Variants in NKD2 observed in about 807,000 individuals in gnomAD.
NKD2 encodes the protein NKD inhibitor of Wnt signaling pathway 2, also known as protein naked cuticle homolog 2.
In NKD2, 43 loss-of-function variants were observed where a neutral mutation model predicts 34.8. The observed-to-expected ratio is 1.24, with a 90% CI of 0.97 to 1.60. The LOEUF is 1.60. Among genes scored for constraint, NKD2 ranks in the 40% most tolerant of loss-of-function variants. NKD2 has a pLI of 0.00. For missense variants in NKD2, 675 were observed against 627.1 expected, an observed-to-expected ratio of 1.08 and a Z score of -0.82; for synonymous variants, 278 against 265.1, an observed-to-expected ratio of 1.05 and a Z score of -0.47.
At chr5:1,018,803 G>A (rs1369001055) in intron 3 of NKD2, among the ~76,000 whole-genome samples, 1 of 152,154 alleles carries the variant, frequency 6.6e-6, no homozygotes, top group Admixed American at 6.5e-5. Context: ...ACCTAGCTGT[G>A]CCCAGGGGAA....
At chr5:1,031,072 C>T (rs548272328) in intron 3 of NKD2, among the ~76,000 whole-genome samples, 5 of 152,134 alleles carry the variant, frequency 3.3e-5, no homozygotes, top group Non-Finnish European at 7.4e-5. Context: ...CCAGTGACCA[C>T]GGTGGCAGGA....
chr5:1,036,517 A>ACCCCC (rs1733952595), intron 9 of NKD2, 133 bp downstream of exon 9: 2 of 312,490 alleles, frequency 6.4e-6, no homozygotes, highest in South Asian at 8.8e-5. Context: ...CCCCCACCCC[A>ACCCCC]CCCCACCCAG....
At chr5:1,028,236 G>C (rs959553292) in intron 3 of NKD2, among the ~76,000 whole-genome samples, 1 of 152,100 alleles carries the variant, frequency 6.6e-6, no homozygotes, top group Admixed American at 6.5e-5. Context: ...CGGTGGCCTC[G>C]GGGTGGTTGG....
At chr5:1,033,610 C>A (rs1397849555) in intron 5 of NKD2, 111 bp downstream of exon 5, 18 of 1,274,712 alleles carry the variant, frequency 1.4e-5, no homozygotes, top group Middle Eastern at 2.4e-4. Flanking sequence ...GTAGTTCACT[C>A]AGTCTTCCCC....
Position 1,036,344 on chromosome 5 carries a change from C to T in NKD2, c.747C>T (p.Asp249=), listed in dbSNP as rs1328166674. 6.2e-7 allele frequency: 1 copy of T among 1,612,994 alleles called. No individual in the cohort carries two copies. The highest frequency in any genetic ancestry group is 1.3e-5 in the African/African-American group (1 of 75,010). ...CGGAGCGCAGAAACCACTACCTGGA[C>T]CTCGCCGGGATTGAGAACTACACGT... ...ENTERRNHYL[D]LAGIENYTSR... The change falls in exon 9 of 10, where the codon GAC becomes GAT. Residue 249 remains aspartate (D), a synonymous_variant. Coordinates refer to ENST00000296849, the MANE Select transcript of NKD2 (RefSeq NM_033120.4).
chr5:1,017,136 G>C (rs781146428), intron 3 of NKD2, among the ~76,000 whole-genome samples: 7 of 152,196 alleles, frequency 4.6e-5, no homozygotes, highest in Non-Finnish European at 8.8e-5. Flanking sequence ...GACGTGCCTG[G>C]ACATGGTGCA....
At chr5:1,016,037 G>A (rs974481250) in intron 3 of NKD2, among the ~76,000 whole-genome samples, 1 of 152,238 alleles carries the variant, frequency 6.6e-6, no homozygotes, top group Non-Finnish European at 1.5e-5. Flanking sequence ...CTGGGTTAAC[G>A]CCGGAACCAT....
Position 1,022,028 on chromosome 5 carries a change from A to C in NKD2, c.142-10124A>C, listed in dbSNP as rs550991059. Among the ~76,000 whole-genome samples the C allele has an allele frequency of 5.9e-4, 89 of 151,822 alleles. 1 individual carries two copies. The South Asian group carries it at 6.0e-3, about 10-fold the overall frequency. On this transcript the variant is annotated intron_variant, in intron 3 of 9. Coordinates refer to ENST00000296849, the MANE Select transcript of NKD2 (RefSeq NM_033120.4). ...GCCTCATTTTCCACCTTGTCTCATA[A>C]GGTGCCCTCCCACCCTCCCCCTACC...
At chr5:1,013,004 C>T (rs1361375333) in intron 3 of NKD2, among the ~76,000 whole-genome samples, 9 of 152,212 alleles carry the variant, frequency 5.9e-5, no homozygotes, top group Non-Finnish European at 1.2e-4. Context: ...AGGAGAGACT[C>T]GGGCCAGTGC....
At chr5:1,025,925 A>G (rs550362068) in intron 3 of NKD2, among the ~76,000 whole-genome samples, 251 of 19,958 alleles carry the variant, frequency 0.013, 3 homozygotes, top group East Asian at 0.038. Flanking sequence ...GTCCCAGCCC[A>G]TTGTCCCTGC....
chr5:1,027,454 C>T (rs1257509907), intron 3 of NKD2, among the ~76,000 whole-genome samples: 1 of 152,192 alleles, frequency 6.6e-6, no homozygotes, highest in African/African-American at 2.4e-5. Flanking sequence ...ACACGCCCAC[C>T]CAGTTCTCTG....
chr5:1,009,159 C>T lies in NKD2; in HGVS notation c.26-20C>T, dbSNP rs1755645439. 5 of 559,050 alleles carry T rather than the reference C, an allele frequency of 8.9e-6. No individual in the cohort carries two copies. The highest frequency in any genetic ancestry group is 7.0e-5 in the East Asian group (2 of 28,436). 34.6% of individuals were successfully genotyped at this position (559,050 alleles called of 1,614,324 possible). A position where few individuals can be genotyped will look rare whatever the true frequency, so the allele number is the denominator to read the frequency against. ...CCTCTCACTGTCGTTTTCCTCTCCC[C>T]GCGTCCCGCCGTGCCGCAGCCGCCG... On this transcript the variant is annotated intron_variant, in intron 1 of 9. Coordinates refer to ENST00000296849, the MANE Select transcript of NKD2 (RefSeq NM_033120.4). This position sits in a 1 kb window ranked among gnomAD's most constrained non-coding sequence, Gnocchi z 6.9.
At chr5:1,020,409 A>T (rs1756127327) in intron 3 of NKD2, among the ~76,000 whole-genome samples, 1 of 152,060 alleles carries the variant, frequency 6.6e-6, no homozygotes. Context: ...TCATTTCAAG[A>T]CACCTGCTCT....
At chr5:1,036,136 A>G (rs1733905194) in intron 8 of NKD2, 121 bp from the exon 9 acceptor site, 6 of 1,368,412 alleles carry the variant, frequency 4.4e-6, no homozygotes, top group Non-Finnish European at 5.7e-6. Flanking sequence ...CTGCTCTGCG[A>G]GGAGGTGGGT....
rs201545218 is a variant in NKD2 at position 1,034,243 on chromosome 5, G to A, written c.339G>A (p.Gln113=). The A allele has an allele frequency of 2.4e-5, 39 of 1,611,722 alleles. No individual in the cohort carries two copies. The African/African-American group carries it at 3.9e-4, about 16-fold the overall frequency. ...GGQRLNIDAL[Q]CDVSVEEDDR... is the part of the protein sequence containing the mutation. ...CCCACGTCCCCCCACAGGCACTCCA[G>A]TGCGATGTCTCGGTGGAGGAGGACG... Residue 113 remains glutamine (Q), a synonymous_variant, in exon 6 of 10, where the codon CAG becomes CAA. Coordinates refer to ENST00000296849, the MANE Select transcript of NKD2 (RefSeq NM_033120.4).
chr5:1,032,189 G>A lies in NKD2; in HGVS notation c.179G>A (p.Arg60Gln), dbSNP rs200085376. 7.9e-5 allele frequency: 127 copies of A among 1,609,798 alleles called. No individual in the cohort carries two copies. The highest frequency in any genetic ancestry group is 2.4e-4 in the South Asian group (22 of 90,786). The change falls in exon 4 of 10, where the codon CGG (arginine) becomes CAG (glutamine). Residue 60 changes from arginine to glutamine, a missense_variant. Transcript: ENST00000296849. ...PNGDPKEGPF[R>Q]EDQCPLQVAL... is the part of the protein sequence containing the mutation. ...GGGGACCCCAAGGAGGGGCCTTTCC[G>A]GGAGGACCAGTGTCCCCTACAGGGT... is the stretch of plus-strand genomic sequence containing the variant.
chr5:1,009,344 C>A lies in NKD2; in HGVS notation c.61+130C>A. On this transcript the variant is annotated intron_variant, in intron 2 of 9. Transcript: ENST00000296849. The surrounding 1 kb of genome is among the most constrained non-coding windows in gnomAD (Gnocchi z 6.9). ...ACGGGGCCGCGGGTCTCCAGGAGCG[C>A]GCGGGACCCCCACGCCTGCCCCTGC... 1 of 616,338 alleles carries A rather than the reference C, an allele frequency of 1.6e-6. No homozygotes were observed. The highest frequency in any genetic ancestry group is 2.6e-6 in the Non-Finnish European group (1 of 386,808). The allele number at this position is 616,338 out of a possible 1,614,324, so 38.2% of individuals were successfully genotyped here. A position where few individuals can be genotyped will look rare whatever the true frequency, so the allele number is the denominator to read the frequency against.
Position 1,038,337 on chromosome 5 carries a change from C to A in NKD2, c.1320C>A (p.His440Gln). ...AGCACCACCACCACCACGAGCACCA[C>A]CACCACCACCACCACCACCACTTCC... ...RHEHHHHHEH[H>Q]HHHHHHHFHP... The change falls in exon 10 of 10, where the codon CAC (histidine) becomes CAA (glutamine). Residue 440 changes from histidine to glutamine, a missense_variant. His to Gln is a conservative substitution (Grantham distance 24, BLOSUM62 0). Transcript: ENST00000296849. The surrounding 1 kb of genome is among the most constrained non-coding windows in gnomAD (Gnocchi z 4.5). The A allele has an allele frequency of 6.6e-7, 1 of 1,521,530 alleles. No individual in the cohort carries two copies. Among genetic ancestry groups the A allele is most frequent in the Non-Finnish European group, 8.8e-7 (1 of 1,140,134 alleles). 94.3% of individuals were successfully genotyped at this position (1,521,530 alleles called of 1,614,324 possible).
chr5:1,016,818 ATCC>A (rs1424525849), intron 3 of NKD2, among the ~76,000 whole-genome samples: 1 of 152,158 alleles, frequency 6.6e-6, no homozygotes, highest in African/African-American at 2.4e-5. Flanking sequence ...AGCCTACCCC[ATCC>A]TCCTTTCCAC....
Sources: gnomAD v4.1 joint callset for allele counts (sites outside exome capture counted in the v4.1 genomes callset) on GRCh38, gnomAD v4.1.1 for gene constraint, Gnocchi (gnomAD v3.1) non-coding constraint, MANE v1.5 for transcripts, NCBI Gene and HGNC (gene_info 2026-07-23, HGNC 2026-07-21) for gene names.